Variants in SUGCT observed in about 807,000 individuals in gnomAD.
The protein encoded by SUGCT is succinyl-CoA:glutarate CoA-transferase.
In SUGCT, 41 loss-of-function variants were observed where a neutral mutation model predicts 55.0. The ratio of observed to expected loss-of-function variants is 0.74; its 90% CI spans 0.58 to 0.97. The LOEUF (loss-of-function observed/expected upper bound fraction) is 0.97. SUGCT is among the 50% of genes least tolerant of loss of function. SUGCT has a pLI of 0.00. For synonymous variants in SUGCT, 187 were observed against 200.4 expected (o/e 0.93, Z 0.56); for missense variants, 568 against 547.8 (o/e 1.04, Z -0.37).
intron 12 of SUGCT, among the ~76,000 whole-genome samples, chr7:40,603,849 G>A (rs1798405825): frequency 6.6e-6 from 1 of 152,150 alleles, no homozygotes; most frequent in African/African-American, 2.4e-5. Flanking sequence ...TTTCTAGAAT[G>A]ATCTTCCCAA....
intron 13 of SUGCT, among the ~76,000 whole-genome samples, chr7:40,805,970 G>T (rs773529414): frequency 4.6e-5 from 7 of 152,196 alleles, no homozygotes; most frequent in Non-Finnish European, 5.9e-5. Context: ...CCTTGAAATA[G>T]TGCGTGCATC....
intron 8 of SUGCT, among the ~76,000 whole-genome samples, chr7:40,298,749 T>G (rs932674941): frequency 2.0e-5 from 3 of 151,808 alleles, no homozygotes; most frequent in Non-Finnish European, 2.9e-5. Context: ...TTTTTTTTTT[T>G]GGGTCCAGGT....
At chr7:40,588,843 A>T (rs762264134) in intron 12 of SUGCT, among the ~76,000 whole-genome samples, 4 of 152,150 alleles carry the variant, frequency 2.6e-5, no homozygotes, top group Non-Finnish European at 5.9e-5. Flanking sequence ...GCACTTAACA[A>T]ATGTTATTTT....
chr7:40,999,753 T>C, the SUGCT span, among the ~76,000 whole-genome samples: 1 of 152,164 alleles, frequency 6.6e-6, no homozygotes, highest in Non-Finnish European at 1.5e-5. Context: ...ATGGTGGGAC[T>C]TTTACCTTTC....
At chr7:40,343,904 C>T (rs941233222) in intron 9 of SUGCT, among the ~76,000 whole-genome samples, 1 of 152,194 alleles carries the variant, frequency 6.6e-6, no homozygotes, top group Non-Finnish European at 1.5e-5. Flanking sequence ...GATCTGCCCG[C>T]CTCGGCCTCC....
chr7:40,181,118 TAAG>T (rs921490493), intron 2 of SUGCT, 120 bp downstream of exon 2: 9 of 769,208 alleles, frequency 1.2e-5, no homozygotes, highest in African/African-American at 5.3e-5. Context: ...GAGAAGAAAA[TAAG>T]AAAAGAAAAA....
At chr7:40,656,746 A>G (rs946878758) in intron 12 of SUGCT, among the ~76,000 whole-genome samples, 3 of 152,226 alleles carry the variant, frequency 2.0e-5, no homozygotes, top group African/African-American at 7.2e-5. Context: ...TCGAAACATT[A>G]GAAGTTGAAG....
chr7:40,427,657 C>T lies in SUGCT; in HGVS notation c.817-21630C>T, dbSNP rs573344456. Among the ~76,000 whole-genome samples the T allele has an allele frequency of 2.5e-3, 378 of 152,078 alleles. 3 individuals are homozygous for T. The highest frequency in any genetic ancestry group is 8.4e-3 in the African/African-American group (350 of 41,484). On this transcript the variant is annotated intron_variant, in intron 9 of 13. Coordinates refer to ENST00000335693, the MANE Select transcript of SUGCT (RefSeq NM_001193313.2). ...AGTCATTGTGGTGGTTTGGGTTCTCCGAGAAGCAGAAGACGACAAGGCTGA... is the reference window on the plus strand; with the variant it reads ...AGTCATTGTGGTGGTTTGGGTTCTCTGAGAAGCAGAAGACGACAAGGCTGA...
At chr7:40,276,203 A>G (rs951335227) in intron 8 of SUGCT, among the ~76,000 whole-genome samples, 1 of 152,232 alleles carries the variant, frequency 6.6e-6, no homozygotes, top group African/African-American at 2.4e-5. Flanking sequence ...TAAAAAGGTA[A>G]AAGAACTCTG....
At chr7:40,629,973 G>A (rs1193176633) in intron 12 of SUGCT, among the ~76,000 whole-genome samples, 2 of 152,122 alleles carry the variant, frequency 1.3e-5, no homozygotes, top group Non-Finnish European at 2.9e-5. Flanking sequence ...AGAAATAAAA[G>A]CCTAGCACTT....
intron 8 of SUGCT, among the ~76,000 whole-genome samples, chr7:40,312,875 C>T (rs1795237051): frequency 1.3e-5 from 2 of 152,082 alleles, no homozygotes; most frequent in South Asian, 4.2e-4. Flanking sequence ...TGCAGTGAAC[C>T]ATGGTTCTAG....
At chr7:40,657,770 G>C (rs757790481) in intron 12 of SUGCT, among the ~76,000 whole-genome samples, 13 of 152,314 alleles carry the variant, frequency 8.5e-5, no homozygotes, top group Non-Finnish European at 1.3e-4. Context: ...TCCTGACCTC[G>C]TGATTCACCC....
intron 12 of SUGCT, among the ~76,000 whole-genome samples, chr7:40,558,778 A>G (rs1223697778): frequency 6.6e-6 from 1 of 152,232 alleles, no homozygotes; most frequent in African/African-American, 2.4e-5. Context: ...TATGTTATGT[A>G]TACTTTACCA....
chr7:40,954,841 C>T, the SUGCT span, among the ~76,000 whole-genome samples: 1 of 152,132 alleles, frequency 6.6e-6, no homozygotes, highest in East Asian at 1.9e-4. Flanking sequence ...GGTCCATTTT[C>T]AGTTGTCTAC....
intron 12 of SUGCT, among the ~76,000 whole-genome samples, chr7:40,529,948 G>T (rs1250919556): frequency 6.6e-6 from 1 of 152,092 alleles, no homozygotes. Context: ...TATAAACATA[G>T]CTTATTTAGC....
intron 7 of SUGCT, among the ~76,000 whole-genome samples, chr7:40,257,064 A>G (rs2150951472): frequency 6.6e-6 from 1 of 151,774 alleles, no homozygotes; most frequent in South Asian, 2.1e-4. Context: ...TTTATTTTTT[A>G]TATGGAGTCT....
intron 4 of SUGCT, 84 bp downstream of exon 4, chr7:40,188,664 T>C (rs1785700133): frequency 2.5e-6 from 2 of 811,028 alleles, no homozygotes; most frequent in Non-Finnish European, 3.8e-6. Flanking sequence ...GCTTGTTTTT[T>C]TCTTCCTTAA....
chr7:40,569,342 G>A (rs138159615), intron 12 of SUGCT, among the ~76,000 whole-genome samples: 156 of 152,176 alleles, frequency 1.0e-3, no homozygotes, highest in African/African-American at 3.4e-3. Context: ...TCATCCTTTC[G>A]CTCAGTATCT....
At chr7:40,816,681 C>T (rs145389242) in intron 13 of SUGCT, among the ~76,000 whole-genome samples, 1,634 of 152,230 alleles carry the variant, frequency 0.011, 31 homozygotes, top group African/African-American at 0.037. Flanking sequence ...GTGGCTGAGG[C>T]AAACTAAAAG....
Sources: allele counts gnomAD v4.1 joint callset (sites outside exome capture counted in the v4.1 genomes callset), GRCh38; gene constraint gnomAD v4.1.1; transcripts MANE v1.5; gene names NCBI Gene and HGNC (gene_info 2026-07-23, HGNC 2026-07-21).